The following TPT1 variants were observed in gnomAD, a reference collection of about 807,000 sequenced individuals.
TPT1 encodes the protein translationally-controlled tumor protein.
TPT1 carries 5 observed loss-of-function variants against 22.8 expected under a neutral mutation model. The observed-to-expected ratio is 0.22, with a 90% confidence interval of 0.11 to 0.46. The LOEUF is 0.46. Ranked by LOEUF, TPT1 falls within the 20% of genes least tolerant of loss-of-function variation. The pLI, the probability that TPT1 is intolerant of heterozygous loss-of-function variation, is 0.99. For missense variants in TPT1, 130 were observed against 218.7 expected (o/e 0.59, Z 2.56); for synonymous variants, 89 against 73.6 (o/e 1.21, Z -1.07).
chr13:45,340,258 C>T, intron 2 of TPT1, 74 bp from the exon 3 acceptor site: 1 of 1,499,450 alleles, frequency 6.7e-7, no homozygotes, highest in Non-Finnish European at 9.1e-7. Flanking sequence ...CAATAGTTCA[C>T]GGATAAGAAG....
Position 45,337,246 on chromosome 13 carries a change from C to G in TPT1, c.*140G>C. The G allele has an allele frequency of 1.2e-6, 1 of 841,050 alleles. No homozygotes were observed. Among genetic ancestry groups the G allele is most frequent in the Non-Finnish European group, 1.9e-6 (1 of 521,526 alleles). 52.1% of individuals were successfully genotyped at this position (841,050 alleles called of 1,614,324 possible). A position where few individuals can be genotyped will look rare whatever the true frequency, so the allele number is the denominator to read the frequency against. ...TTTTCTTAAAAACAATGCCTCCACT[C>G]CAAATAAATCACAGTCAAAATAAAT... On this transcript the variant is annotated 3_prime_UTR_variant, in exon 6 of 6. Coordinates refer to ENST00000530705, the MANE Select transcript of TPT1 (RefSeq NM_003295.4).
rs553612777 is a variant in TPT1 at position 45,334,358 on chromosome 13, T to G, written c.*3028A>C. The stretch of plus-strand genomic sequence containing the variant: ...CAACCAATCTCATGTTGGAATGCAG[T>G]CTATCCTCTCTCCAAATGACCTTAT... On this transcript the variant is annotated 3_prime_UTR_variant, in exon 6 of 6. Transcript: ENST00000530705. 4.6e-5 allele frequency: 7 copies of G among 152,368 alleles called. No homozygotes were observed. The highest frequency in any genetic ancestry group is 1.7e-4 in the African/African-American group (7 of 41,588). 9.4% of individuals were successfully genotyped at this position (152,368 alleles called of 1,614,324 possible).
At chr13:45,339,098 T>C (rs953381504) in intron 4 of TPT1, 8 of 306,804 alleles carry the variant, frequency 2.6e-5, no homozygotes, top group Non-Finnish European at 4.2e-5. Flanking sequence ...CTGACAGTGA[T>C]AGAATATATC....
At chr13:45,338,411 A>ACC in intron 5 of TPT1, 1 of 624,822 alleles carries the variant, frequency 1.6e-6, no homozygotes, top group Non-Finnish European at 2.5e-6. Flanking sequence ...GAGCCACCAC[A>ACC]CCCAGCCTAA....
chr13:45,339,934 G>A, intron 3 of TPT1, 60 bp downstream of exon 3: 2 of 1,568,790 alleles, frequency 1.3e-6, no homozygotes, highest in Non-Finnish European at 1.7e-6. Flanking sequence ...TCAAAAGTTA[G>A]CCAATCTTTA....
intron 2 of TPT1, 156 bp from the exon 3 acceptor site, chr13:45,340,340 A>G (rs1315991907): frequency 9.5e-7 from 1 of 1,048,766 alleles, no homozygotes; most frequent in African/African-American, 1.6e-5. Context: ...GGATTTCTCA[A>G]AACGACCTAA....
In TPT1 at chr13:45,341,035, G is replaced by A. The variant is rs759449671; in HGVS notation, c.28+7C>T. 1.9e-6 allele frequency: 3 copies of A among 1,611,936 alleles called. No individual in the cohort carries two copies. Among genetic ancestry groups the A allele is most frequent in the South Asian group, 2.2e-5 (2 of 90,902 alleles). On this transcript the variant is annotated splice_region_variant and intron_variant, in intron 1 of 5. Transcript: ENST00000530705. ...GCGGCAGTAAGGATAGTGCAGTGAGGACTCACGGCTGATGAGGTCCCGGTA... is the reference window on the plus strand; with the variant it reads ...GCGGCAGTAAGGATAGTGCAGTGAGAACTCACGGCTGATGAGGTCCCGGTA...
chr13:45,341,133 C>T lies in TPT1; in HGVS notation c.-64G>A, dbSNP rs369294487. 6.3e-7 allele frequency: 1 copy of T among 1,597,960 alleles called. No individual in the cohort carries two copies. The highest frequency in any genetic ancestry group is 8.5e-7 in the Non-Finnish European group (1 of 1,172,838). The stretch of plus-strand genomic sequence containing the variant: ...GCACGAGCCTGAAACTCGGAGCGAG[C>T]GCGGTGCAGCCGGAGCGGCGCTCGG... On this transcript the variant is annotated 5_prime_UTR_variant, in exon 1 of 6. Transcript: ENST00000530705.
At chr13:45,337,635 C>A in intron 5 of TPT1, 2 of 1,479,228 alleles carry the variant, frequency 1.4e-6, no homozygotes, top group Non-Finnish European at 1.9e-6. Context: ...TCAGCGGTAG[C>A]TCATTTTTCA....
At chr13:45,340,268 GTAT>G (rs1879002113) in intron 2 of TPT1, 84 bp from the exon 3 acceptor site, 2 of 1,452,572 alleles carry the variant, frequency 1.4e-6, no homozygotes, top group African/African-American at 1.4e-5. Flanking sequence ...CGGATAAGAA[GTAT>G]TCTTAGTTCT....
chr13:45,336,415 A>G lies in TPT1; in HGVS notation c.*971T>C, dbSNP rs867663076. On this transcript the variant is annotated 3_prime_UTR_variant, in exon 6 of 6. Coordinates refer to ENST00000530705, the MANE Select transcript of TPT1 (RefSeq NM_003295.4). ...TGTGGTGGAAACCATAGCAGCAGAT[A>G]GCAACTGCTCCAGGTCTGTCAAATA... 2 of 152,366 alleles carry G rather than the reference A, an allele frequency of 1.3e-5. No individual in the cohort carries two copies. The highest frequency in any genetic ancestry group is 6.8e-3 in the Middle Eastern group (2 of 294). 9.4% of individuals were successfully genotyped at this position (152,366 alleles called of 1,614,324 possible).
Position 45,335,932 on chromosome 13 carries a change from G to A in TPT1, c.*1454C>T, listed in dbSNP as rs539602913. ...ATTGCTCAAACCACTACATTCACATGTTCAAGCAGACCAGAGTCACTGGCC... is the reference window on the plus strand; with the variant it reads ...ATTGCTCAAACCACTACATTCACATATTCAAGCAGACCAGAGTCACTGGCC... On this transcript the variant is annotated 3_prime_UTR_variant, in exon 6 of 6. Coordinates refer to ENST00000530705, the MANE Select transcript of TPT1 (RefSeq NM_003295.4). 6.6e-6 allele frequency: 1 copy of A among 152,270 alleles called. No individual in the cohort carries two copies. Among genetic ancestry groups the A allele is most frequent in the South Asian group, 2.1e-4 (1 of 4,828 alleles). The allele number at this position is 152,270 out of a possible 1,614,324, so 9.4% of individuals were successfully genotyped here.
Position 45,336,206 on chromosome 13 carries a change from G to A in TPT1, c.*1180C>T, listed in dbSNP as rs368258163. ...CCAGCAACTAGTGAGACTGAGGTGG[G>A]AAAATGGCTTGAGCACAGGATGCAG... On this transcript the variant is annotated 3_prime_UTR_variant, in exon 6 of 6. Coordinates refer to ENST00000530705, the MANE Select transcript of TPT1 (RefSeq NM_003295.4). 2.6e-5 allele frequency: 4 copies of A among 152,350 alleles called. No homozygotes were observed. Among genetic ancestry groups the A allele is most frequent in the African/African-American group, 7.2e-5 (3 of 41,578 alleles). 9.4% of individuals were successfully genotyped at this position (152,350 alleles called of 1,614,324 possible). A position where few individuals can be genotyped will look rare whatever the true frequency, so the allele number is the denominator to read the frequency against.
intron 5 of TPT1, among the ~76,000 whole-genome samples, chr13:45,337,817 G>T (rs567264638): frequency 6.6e-6 from 1 of 152,154 alleles, no homozygotes; most frequent in African/African-American, 2.4e-5. Flanking sequence ...TTATACAGAA[G>T]CCTATGAAAA....
rs938910957 is a variant in TPT1, at chr13:45,338,764, C to T, written c.412G>A (p.Glu138Lys). Residue 138 changes from glutamate (E) to lysine (K), a missense_variant, in exon 5 of 6, where the codon GAA (glutamate) becomes AAA (lysine). Glu to Lys is a moderately conservative substitution (Grantham distance 56, BLOSUM62 1). Transcript: ENST00000530705. ...ACCATGCCATCTGGATTCATGTTTT[C>T]ACCAATAAAGAACTTGGGAAGCAAA... is the stretch of plus-strand genomic sequence containing the variant. ...NFKNYQFFIG[E>K]NMNPDGMVAL... 1.9e-6 allele frequency: 3 copies of T among 1,588,512 alleles called. No individual in the cohort carries two copies. Among genetic ancestry groups the T allele is most frequent in the Admixed American group, 1.9e-5 (1 of 51,766 alleles).
At position 45,340,905 on chromosome 13, in the gene TPT1, G is replaced by A. The variant is rs1879077704; in HGVS notation, c.29-120C>T. The A allele has an allele frequency of 1.0e-5, 15 of 1,493,688 alleles. No individual in the cohort carries two copies. In the Admixed American group the frequency reaches 1.4e-4, roughly 14 times the overall value. 92.5% of individuals were successfully genotyped at this position (1,493,688 alleles called of 1,614,324 possible). A position where few individuals can be genotyped will look rare whatever the true frequency, so the allele number is the denominator to read the frequency against. On this transcript the variant is annotated intron_variant, in intron 1 of 5. Coordinates refer to ENST00000530705, the MANE Select transcript of TPT1 (RefSeq NM_003295.4). ...CGTAGCACACCAGAGCTGGGCGCGAGCCCCGGGCACCGACCCCTCCGCGCT... is the reference window on the plus strand; with the variant it reads ...CGTAGCACACCAGAGCTGGGCGCGAACCCCGGGCACCGACCCCTCCGCGCT...
At chr13:45,338,952 A>ATAT in intron 4 of TPT1, 176 bp from the exon 5 acceptor site, 1 of 518,482 alleles carries the variant, frequency 1.9e-6, no homozygotes, top group Non-Finnish European at 3.3e-6. Flanking sequence ...AGGCACCTTA[A>ATAT]TAGTGACCTA....
At chr13:45,340,623 G>A (rs772853369) in intron 2 of TPT1, 89 bp downstream of exon 2, 1 of 1,412,572 alleles carries the variant, frequency 7.1e-7, no homozygotes, top group Non-Finnish European at 9.8e-7. Flanking sequence ...GAGGCGGCGG[G>A]GAGGATTGCA....
At chr13:45,337,751 T>G (rs1311355030) in intron 5 of TPT1, 6 of 599,876 alleles carry the variant, frequency 1.0e-5, no homozygotes, top group Non-Finnish European at 1.5e-5. Flanking sequence ...CTAAGTAATT[T>G]CTGTCTACTG....
Sources: gnomAD v4.1 joint callset for allele counts (sites outside exome capture counted in the v4.1 genomes callset) on GRCh38, gnomAD v4.1.1 for gene constraint, MANE v1.5 for transcripts, NCBI Gene and HGNC (gene_info 2026-07-23, HGNC 2026-07-21) for gene names.